Variants in PCDHA5 observed in about 807,000 individuals in gnomAD.
PCDHA5 encodes the protein protocadherin alpha 5, also known as protocadherin alpha-5.
A neutral mutation model predicts 61.6 loss-of-function variants in PCDHA5; 43 were observed. That is an observed-to-expected ratio of 0.70 (90% CI 0.55 to 0.90). The LOEUF is 0.90. Ranked by LOEUF, PCDHA5 falls within the 40% of genes least tolerant of loss-of-function variation. The pLI, the probability that PCDHA5 is intolerant of heterozygous loss-of-function variation, is 0.00. For missense variants in PCDHA5, 1,298 were observed against 1,222.7 expected, an observed-to-expected ratio of 1.06 and a Z score of -0.92; for synonymous variants, 627 against 543.9, an observed-to-expected ratio of 1.15 and a Z score of -2.13.
At position 140,823,923 on chromosome 5, in the gene PCDHA5, G is replaced by A. The variant is rs1767928713; in HGVS notation, c.2148G>A (p.Leu716=). Residue 716 remains leucine, a synonymous_variant, in exon 1 of 4, where the codon CTG becomes CTA. Transcript: ENST00000529859. ...GCCTGCTGGTGCTCACGCTGCTGCT[G>A]TACACCGCGCTGCGGTGCTCGGCGC... ...VSSLLVLTLL[L]YTALRCSAQP... is the part of the protein sequence containing the mutation. 10 of 1,614,002 alleles carry A rather than the reference G, an allele frequency of 6.2e-6. No homozygotes were observed. The highest frequency in any genetic ancestry group is 7.6e-6 in the Non-Finnish European group (9 of 1,179,950).
intron 1 of PCDHA5, among the ~76,000 whole-genome samples, chr5:140,894,320 G>T (rs191376863): frequency 1.1e-3 from 163 of 152,016 alleles, no homozygotes; most frequent in Non-Finnish European, 1.7e-3. Flanking sequence ...TTAAATTATA[G>T]ATTTTAGTAT....
chr5:140,823,013 A>C lies in PCDHA5; in HGVS notation c.1238A>C (p.Asp413Ala). ...YYSLVLDSAL[D>A]RESVSVYELV... ...TCGTTGGTGCTGGACAGCGCCCTGG[A>C]CCGCGAGAGCGTGTCGGTCTATGAG... The change falls in exon 1 of 4, where the codon GAC (aspartate) becomes GCC (alanine). Residue 413 changes from aspartate (D) to alanine (A), a missense_variant. Coordinates refer to ENST00000529859, the MANE Select transcript of PCDHA5 (RefSeq NM_018908.3). The C allele has an allele frequency of 6.2e-7, 1 of 1,614,200 alleles. No homozygotes were observed. Among genetic ancestry groups the C allele is most frequent in the South Asian group, 1.1e-5 (1 of 91,090 alleles).
In PCDHA5 at chr5:140,869,461, A is replaced by G. The variant is rs372195509; in HGVS notation, c.2352+45334A>G. ...CAGGCCGCTGCAGGTTTTCCATGTG[A>G]ACGTGGAGGTGAAGGACATTAACGA... On this transcript the variant is annotated intron_variant, in intron 1 of 3. Transcript: ENST00000529859. 5.8e-5 allele frequency: 94 copies of G among 1,614,148 alleles called. No homozygotes were observed. In the African/African-American group the frequency reaches 7.9e-4, roughly 13 times the overall value.
At chr5:140,856,568 A>T (rs1554148862) in intron 1 of PCDHA5, 2 of 1,597,928 alleles carry the variant, frequency 1.3e-6, no homozygotes, top group Middle Eastern at 3.3e-4. Flanking sequence ...ACTCAGTCCA[A>T]ATGAGTATTT....
Position 140,836,428 on chromosome 5 carries a change from C to T in PCDHA5, c.2352+12301C>T, listed in dbSNP as rs2150260814. ...CAGGCACCAAAGGCGTCGTCGCGGG[C>T]ATCGTTGGGCATTGCAGGCCCAGAG... On this transcript the variant is annotated intron_variant, in intron 1 of 3. Transcript: ENST00000529859. 1.5e-5 allele frequency: 24 copies of T among 1,613,854 alleles called. No individual in the cohort carries two copies. Among genetic ancestry groups the T allele is most frequent in the Non-Finnish European group, 1.9e-5 (22 of 1,179,866 alleles).
chr5:140,828,709 T>C, intron 1 of PCDHA5: 2 of 1,614,254 alleles, frequency 1.2e-6, no homozygotes, highest in Non-Finnish European at 8.5e-7. Flanking sequence ...AGGAAGCTCC[T>C]GCACACAACT....
At chr5:140,870,125 A>G (rs782777018) in intron 1 of PCDHA5, 29 of 1,613,792 alleles carry the variant, frequency 1.8e-5, no homozygotes, top group African/African-American at 2.7e-5. Flanking sequence ...GAAATCTTGG[A>G]CACCAACGAT....
chr5:140,887,045 T>C (rs2061271952), intron 1 of PCDHA5, among the ~76,000 whole-genome samples: 1 of 152,108 alleles, frequency 6.6e-6, no homozygotes, highest in Non-Finnish European at 1.5e-5. Context: ...TTTTTTATAG[T>C]GCATATGTTC....
chr5:140,843,509 G>A, intron 1 of PCDHA5: 1 of 1,595,970 alleles, frequency 6.3e-7, no homozygotes. Context: ...GCCCACTGAG[G>A]GCGGGTGCCG....
At chr5:140,988,989 G>C (rs981946293) in intron 3 of PCDHA5, 1 of 152,184 alleles carries the variant, frequency 6.6e-6, no homozygotes, top group Admixed American at 6.5e-5. Flanking sequence ...CTAATGCAGG[G>C]TAAGGAAATA....
At chr5:140,955,190 A>G (rs1269758289) in intron 1 of PCDHA5, among the ~76,000 whole-genome samples, 2 of 152,050 alleles carry the variant, frequency 1.3e-5, no homozygotes, top group Admixed American at 6.6e-5. Flanking sequence ...TGTGGTGTAT[A>G]TGAAGTCAAT....
chr5:141,008,540 T>C (rs1435875214), intron 3 of PCDHA5, among the ~76,000 whole-genome samples: 2 of 152,190 alleles, frequency 1.3e-5, no homozygotes, highest in African/African-American at 4.8e-5. Context: ...ATGTCTTTTA[T>C]TGAAAACTCC....
intron 1 of PCDHA5, among the ~76,000 whole-genome samples, chr5:140,951,752 G>A (rs246039): frequency 0.51 from 77,303 of 151,800 alleles, 20,616 homozygotes; most frequent in African/African-American, 0.68. Context: ...CTCACCCTCC[G>A]CGAAATCTCA....
chr5:140,842,705 G>T, intron 1 of PCDHA5: 2 of 1,595,328 alleles, frequency 1.3e-6, no homozygotes, highest in Non-Finnish European at 1.7e-6. Context: ...CGAGTACACG[G>T]TGTTCGTGAA....
chr5:140,877,561 A>G (rs1582392588), intron 1 of PCDHA5: 1 of 1,613,748 alleles, frequency 6.2e-7, no homozygotes. Flanking sequence ...GGTGGATATT[A>G]ACGTGTACCT....
chr5:140,891,977 A>G (rs2063334150), intron 1 of PCDHA5, among the ~76,000 whole-genome samples: 1 of 152,206 alleles, frequency 6.6e-6, no homozygotes, highest in Non-Finnish European at 1.5e-5. Flanking sequence ...TTCCGTTCTC[A>G]TAAATTACTC....
chr5:140,869,010 T>C (rs919333995), intron 1 of PCDHA5: 3 of 1,523,768 alleles, frequency 2.0e-6, no homozygotes, highest in African/African-American at 2.8e-5. Flanking sequence ...CCTTTGAAAC[T>C]TCTTAAGAAT....
intron 1 of PCDHA5, among the ~76,000 whole-genome samples, chr5:140,886,431 ATTTG>A (rs1272820447): frequency 6.6e-6 from 1 of 152,012 alleles, no homozygotes; most frequent in East Asian, 1.9e-4. Context: ...ATTTCTATTC[ATTTG>A]TTTGTACTAA....
intron 3 of PCDHA5, among the ~76,000 whole-genome samples, chr5:140,984,877 C>A (rs1178230954): frequency 1.3e-5 from 2 of 151,944 alleles, no homozygotes; most frequent in Non-Finnish European, 2.9e-5. Flanking sequence ...TATTGAGTTA[C>A]CATGAGAACT....
Sources: allele counts gnomAD v4.1 joint callset (sites outside exome capture counted in the v4.1 genomes callset), GRCh38; gene constraint gnomAD v4.1.1; transcripts MANE v1.5; gene names NCBI Gene and HGNC (gene_info 2026-07-23, HGNC 2026-07-21).